VIPR1: variants seen among roughly 807,000 people sequenced by gnomAD.
VIPR1 encodes the protein vasoactive intestinal peptide receptor 1.
A neutral mutation model predicts 58.8 loss-of-function variants in VIPR1; 59 were observed. The ratio of observed to expected loss-of-function variants is 1.00; its 90% CI spans 0.81 to 1.25. VIPR1 has a LOEUF of 1.25. Among genes scored for constraint, VIPR1 ranks in the 50% most tolerant of loss-of-function variants. The pLI, the probability that VIPR1 is intolerant of heterozygous loss-of-function variation, is 0.00. For synonymous variants in VIPR1, 251 were observed against 242.1 expected (o/e 1.04, Z -0.34); for missense variants, 626 against 602.7 (o/e 1.04, Z -0.40).
In VIPR1 at chr3:42,519,588, C is replaced by T. The variant is rs139382982; in HGVS notation, c.292+258C>T. 77 of 375,022 alleles carry T rather than the reference C, an allele frequency of 2.1e-4. 1 individual carries two copies. Among genetic ancestry groups the T allele is most frequent in the South Asian group, 1.7e-3 (32 of 19,216 alleles). 23.2% of individuals were successfully genotyped at this position (375,022 alleles called of 1,614,324 possible). A position where few individuals can be genotyped will look rare whatever the true frequency, so the allele number is the denominator to read the frequency against. On this transcript the variant is annotated intron_variant, in intron 3 of 12. Transcript: ENST00000325123. ...TTGATAACTGATTGACTGACAGGTA[C>T]TTGATTAAATTATGACTCCCATAGT...
At chr3:42,497,260 T>C (rs912581700) in intron 1 of VIPR1, among the ~76,000 whole-genome samples, 2 of 152,160 alleles carry the variant, frequency 1.3e-5, no homozygotes, top group African/African-American at 4.8e-5. Context: ...TCTGTGGTTA[T>C]GGGCACCCTC....
chr3:42,492,166 C>T (rs1342389343), intron 1 of VIPR1, among the ~76,000 whole-genome samples: 2 of 152,012 alleles, frequency 1.3e-5, no homozygotes, highest in East Asian at 3.9e-4. Flanking sequence ...ACTTTCCATC[C>T]TCTGCCCACC....
chr3:42,525,389 C>T (rs779957122), intron 3 of VIPR1, among the ~76,000 whole-genome samples: 6 of 149,856 alleles, frequency 4.0e-5, no homozygotes, highest in Non-Finnish European at 7.4e-5. Context: ...CTCACCCCCA[C>T]ACTCCTGCTC....
intron 1 of VIPR1, among the ~76,000 whole-genome samples, chr3:42,490,304 C>A (rs537310758): frequency 6.6e-6 from 1 of 152,248 alleles, no homozygotes; most frequent in African/African-American, 2.4e-5. Flanking sequence ...AAGGTTCACA[C>A]GAGCTGCAGC....
rs937193517 is a variant in VIPR1 at position 42,537,439 on chromosome 3, G to A, written c.*1158G>A. 6.6e-6 allele frequency: 1 copy of A among 152,150 alleles called. No individual in the cohort carries two copies. The allele number at this position is 152,150 out of a possible 1,614,324, so 9.4% of individuals were successfully genotyped here. On this transcript the variant is annotated 3_prime_UTR_variant, in exon 13 of 13. Transcript: ENST00000325123. ...TCCATCTCATGTATCATCTGGATAGGAGCCTGCTGGTCACAGCCTCCTCTG... is the reference window on the plus strand; with the variant it reads ...TCCATCTCATGTATCATCTGGATAGAAGCCTGCTGGTCACAGCCTCCTCTG...
intron 1 of VIPR1, among the ~76,000 whole-genome samples, chr3:42,505,907 C>T (rs569567819): frequency 1.4e-4 from 22 of 152,306 alleles, no homozygotes; most frequent in East Asian, 1.2e-3. Context: ...CTGAGTGGGA[C>T]ATAATCTACC....
intron 1 of VIPR1, among the ~76,000 whole-genome samples, chr3:42,511,104 G>C (rs990676848): frequency 6.6e-6 from 1 of 152,202 alleles, no homozygotes; most frequent in African/African-American, 2.4e-5. Flanking sequence ...TAAAGGAAAG[G>C]CATCAGCTCA....
upstream of VIPR1, among the ~76,000 whole-genome samples, chr3:42,499,111 G>C (rs999370077): frequency 6.6e-6 from 1 of 152,218 alleles, no homozygotes; most frequent in African/African-American, 2.4e-5. Context: ...CCTGCATCCA[G>C]ACAGCAACGT....
intron 2 of VIPR1, 58 bp downstream of exon 2, chr3:42,513,912 A>C: frequency 1.3e-6 from 2 of 1,517,916 alleles, no homozygotes; most frequent in South Asian, 1.2e-5. Context: ...AAGATTCCTC[A>C]TGTCTCAAGC....
chr3:42,536,365 G>C lies in VIPR1; in HGVS notation c.*84G>C. ...AGACGCCGGGGACAGAGGCCTGCCC[G>C]GGCGCGGCCAGCCCCGGCCCTGGGC... On this transcript the variant is annotated 3_prime_UTR_variant, in exon 13 of 13. Transcript: ENST00000325123. 1 of 1,397,710 alleles carries C rather than the reference G, an allele frequency of 7.2e-7. No individual in the cohort carries two copies. Among genetic ancestry groups the C allele is most frequent in the Non-Finnish European group, 9.3e-7 (1 of 1,072,070 alleles). 86.6% of individuals were successfully genotyped at this position (1,397,710 alleles called of 1,614,324 possible).
At chr3:42,534,862 C>A in intron 10 of VIPR1, 113 bp from the exon 11 acceptor site, 1 of 1,391,066 alleles carries the variant, frequency 7.2e-7, no homozygotes, top group Non-Finnish European at 9.9e-7. Flanking sequence ...CATCCTCATA[C>A]TTCCTGGTCA....
At chr3:42,510,426 A>T (rs1327866178) in intron 1 of VIPR1, among the ~76,000 whole-genome samples, 1 of 152,194 alleles carries the variant, frequency 6.6e-6, no homozygotes, top group Non-Finnish European at 1.5e-5. Flanking sequence ...CCAGAGGGAT[A>T]ATGAGGATGT....
At chr3:42,517,650 G>A (rs1700700668) in intron 2 of VIPR1, among the ~76,000 whole-genome samples, 1 of 152,132 alleles carries the variant, frequency 6.6e-6, no homozygotes, top group Admixed American at 6.5e-5. Context: ...TTCACAATCC[G>A]ACCACGTTGG....
At chr3:42,520,699 C>A (rs1045966309) in intron 3 of VIPR1, among the ~76,000 whole-genome samples, 1 of 152,080 alleles carries the variant, frequency 6.6e-6, no homozygotes, top group East Asian at 1.9e-4. Flanking sequence ...AGAGAGCGAA[C>A]AGAACTCAGG....
intron 1 of VIPR1, among the ~76,000 whole-genome samples, chr3:42,503,644 G>T (rs1699980350): frequency 6.6e-6 from 1 of 152,142 alleles, no homozygotes; most frequent in Admixed American, 6.5e-5. Context: ...GAGATGCATG[G>T]ATCATCTCAC....
chr3:42,517,566 G>T (rs1700695103), intron 2 of VIPR1, among the ~76,000 whole-genome samples: 1 of 152,212 alleles, frequency 6.6e-6, no homozygotes, highest in South Asian at 2.1e-4. Flanking sequence ...GCTCTGCAAG[G>T]CTGTGGCGGA....
rs138576510 is a variant in VIPR1 at position 42,536,092 on chromosome 3, G to A, written c.1185G>A (p.Val395=). 1,116 of 1,597,414 alleles carry A rather than the reference G, an allele frequency of 7.0e-4. 9 individuals are homozygous for A. In the African/African-American group the frequency reaches 0.013, roughly 19 times the overall value. Residue 395 remains valine, a splice_region_variant and synonymous_variant, in exon 13 of 13, where the codon GTG becomes GTA. Transcript: ENST00000325123. ...AILYCFLNGE[V]QAELRRKWRR... is the part of the protein sequence containing the mutation. ...CTGACCACCTTCCCCTCTCCTAGGT[G>A]CAGGCGGAGCTGAGGCGGAAGTGGC...
rs1701876474 is a variant in VIPR1, at chr3:42,536,826, CTTAGTTATCAGCTTTTTAAAGTGGG to C, written c.*549_*573del. On this transcript the variant is annotated 3_prime_UTR_variant, in exon 13 of 13. Transcript: ENST00000325123. ...CTCACTACCCTATTCTCTCTTTACG[CTTAGTTATCAGCTTTTTAAAGTGGG>C]TTATTCTGGAGTTTTTGTTTGGAGA... 1 of 152,420 alleles carries C rather than the reference CTTAGTTATCAGCTTTTTAAAGTGGG, an allele frequency of 6.6e-6. No individual in the cohort carries two copies. The highest frequency in any genetic ancestry group is 2.4e-5 in the African/African-American group (1 of 41,466). 9.4% of individuals were successfully genotyped at this position (152,420 alleles called of 1,614,324 possible). A position where few individuals can be genotyped will look rare whatever the true frequency, so the allele number is the denominator to read the frequency against.
chr3:42,526,276 A>T (rs1701230132), intron 4 of VIPR1, among the ~76,000 whole-genome samples: 1 of 152,160 alleles, frequency 6.6e-6, no homozygotes, highest in South Asian at 2.1e-4. Flanking sequence ...TGGGAACCTC[A>T]CTTCAGCCCG....
Sources: gnomAD v4.1 joint callset for allele counts (sites outside exome capture counted in the v4.1 genomes callset) on GRCh38, gnomAD v4.1.1 for gene constraint, MANE v1.5 for transcripts, NCBI Gene and HGNC (gene_info 2026-07-23, HGNC 2026-07-21) for gene names.